The following GADL1 variants were observed in gnomAD, a reference collection of about 807,000 sequenced individuals.
GADL1 encodes GAD like acidic amino acid decarboxylase 1.
In GADL1, 71 loss-of-function variants were observed where a neutral mutation model predicts 69.5. The ratio of observed to expected loss-of-function variants is 1.02; its 90% CI spans 0.84 to 1.25. The LOEUF is 1.25. Ranked by LOEUF, GADL1 falls within the 50% of genes most tolerant of loss-of-function variation. The pLI is 0.00. For synonymous variants in GADL1, 254 were observed against 214.4 expected (o/e 1.18, Z -1.62); for missense variants, 737 against 631.8 (o/e 1.17, Z -1.79).
chr3:30,835,322 G>A (rs1258605187), intron 9 of GADL1, among the ~76,000 whole-genome samples: 1 of 152,052 alleles, frequency 6.6e-6, no homozygotes, highest in African/African-American at 2.4e-5. Context: ...GGTTGCTTAG[G>A]ATGTAGCAAC....
At chr3:30,758,748 C>G (rs1696043993) in intron 14 of GADL1, among the ~76,000 whole-genome samples, 1 of 152,164 alleles carries the variant, frequency 6.6e-6, no homozygotes, top group Non-Finnish European at 1.5e-5. Context: ...TTCCATAAAG[C>G]AAGTATTTAT....
intron 3 of GADL1, among the ~76,000 whole-genome samples, chr3:30,856,050 G>T (rs1698226818): frequency 6.6e-6 from 1 of 151,680 alleles, no homozygotes; most frequent in Non-Finnish European, 1.5e-5. Context: ...AAAATCTACT[G>T]CATTAAATGT....
At chr3:30,857,913 A>C (rs745791187) in intron 2 of GADL1, among the ~76,000 whole-genome samples, 20 of 151,968 alleles carry the variant, frequency 1.3e-4, no homozygotes, top group Non-Finnish European at 8.8e-5. Flanking sequence ...CCCTCTGCCT[A>C]GAATGTTTTT....
chr3:30,796,576 TTA>T (rs1276141572), intron 12 of GADL1, among the ~76,000 whole-genome samples: 1 of 152,132 alleles, frequency 6.6e-6, no homozygotes, highest in Non-Finnish European at 1.5e-5. Flanking sequence ...GAGGAGTACT[TTA>T]TCTTTTTGAT....
intron 14 of GADL1, among the ~76,000 whole-genome samples, chr3:30,760,249 C>T (rs755313674): frequency 2.6e-5 from 4 of 152,184 alleles, no homozygotes; most frequent in Non-Finnish European, 5.9e-5. Context: ...CCTTCGTTTC[C>T]ATAGCAATAC....
intron 14 of GADL1, among the ~76,000 whole-genome samples, chr3:30,764,638 ATT>A (rs928774861): frequency 3.3e-5 from 5 of 152,240 alleles, no homozygotes; most frequent in African/African-American, 1.2e-4. Flanking sequence ...CAATAAATAT[ATT>A]GTTTGAGTAG....
intron 14 of GADL1, among the ~76,000 whole-genome samples, chr3:30,747,448 A>G (rs1695724051): frequency 6.6e-6 from 1 of 152,182 alleles, no homozygotes; most frequent in Non-Finnish European, 1.5e-5. Context: ...AGAAAGGTGG[A>G]ATTGAGTAGA....
At chr3:30,847,597 T>A (rs1311318755) in intron 6 of GADL1, among the ~76,000 whole-genome samples, 1 of 152,208 alleles carries the variant, frequency 6.6e-6, no homozygotes, top group Non-Finnish European at 1.5e-5. Context: ...CCTGACTCTT[T>A]GAGTAGGGAA....
intron 14 of GADL1, among the ~76,000 whole-genome samples, chr3:30,768,128 ACTT>A (rs1326372862): frequency 1.3e-5 from 2 of 151,236 alleles, no homozygotes; most frequent in Non-Finnish European, 2.9e-5. Context: ...ATGTATACAG[ACTT>A]CTTAAAAATT....
chr3:30,773,895 C>G (rs966131742), intron 14 of GADL1, among the ~76,000 whole-genome samples: 2 of 152,074 alleles, frequency 1.3e-5, no homozygotes, highest in African/African-American at 4.8e-5. Context: ...ACAGGAATCT[C>G]CTGACGCTCA....
chr3:30,789,076 A>G (rs1377588060), intron 12 of GADL1, among the ~76,000 whole-genome samples: 1 of 152,196 alleles, frequency 6.6e-6, no homozygotes, highest in Non-Finnish European at 1.5e-5. Flanking sequence ...AAAATTTTCA[A>G]TTCACTTTGC....
chr3:30,726,837 A>C lies in GADL1; in HGVS notation c.*1405T>G, dbSNP rs1158314389. Reference sequence around the variant, plus strand: ...AAAACTCTCCTAGAAACCTAGGACCAGGGTCAGAGATAGAATTAAAATCAC... The same window carrying C: ...AAAACTCTCCTAGAAACCTAGGACCCGGGTCAGAGATAGAATTAAAATCAC... On this transcript the variant is annotated 3_prime_UTR_variant, in exon 15 of 15. Coordinates refer to ENST00000282538, the MANE Select transcript of GADL1 (RefSeq NM_207359.3). The C allele has an allele frequency of 2.0e-5, 3 of 152,516 alleles. No homozygotes were observed. Among genetic ancestry groups the C allele is most frequent in the Non-Finnish European group, 2.9e-5 (2 of 68,016 alleles). 9.4% of individuals were successfully genotyped at this position (152,516 alleles called of 1,614,324 possible).
intron 11 of GADL1, among the ~76,000 whole-genome samples, chr3:30,809,694 A>G (rs1326197508): frequency 1.3e-5 from 2 of 152,114 alleles, no homozygotes; most frequent in African/African-American, 4.8e-5. Context: ...AAGTTTGCTG[A>G]TACTTGTTTT....
At chr3:30,774,050 G>T (rs1471370308) in intron 14 of GADL1, among the ~76,000 whole-genome samples, 1 of 152,184 alleles carries the variant, frequency 6.6e-6, no homozygotes, top group African/African-American at 2.4e-5. Flanking sequence ...AAAGAGACAA[G>T]ATTCGATTGG....
At chr3:30,833,446 T>C (rs1241581492) in intron 11 of GADL1, among the ~76,000 whole-genome samples, 5 of 152,132 alleles carry the variant, frequency 3.3e-5, no homozygotes, top group African/African-American at 1.2e-4. Context: ...GCTAAGCGTA[T>C]TAAGTATTCA....
intron 6 of GADL1, among the ~76,000 whole-genome samples, chr3:30,846,902 G>T (rs1698067406): frequency 6.6e-6 from 1 of 152,154 alleles, no homozygotes; most frequent in Admixed American, 6.5e-5. Flanking sequence ...ATGACCCTGA[G>T]ACACACCCTA....
intron 12 of GADL1, among the ~76,000 whole-genome samples, chr3:30,788,854 C>T (rs761672172): frequency 2.0e-5 from 3 of 152,164 alleles, no homozygotes; most frequent in South Asian, 2.1e-4. Context: ...CATGAGACTG[C>T]AGCAATTCAG....
At chr3:30,764,447 CTG>C (rs1478411014) in intron 14 of GADL1, among the ~76,000 whole-genome samples, 1 of 152,140 alleles carries the variant, frequency 6.6e-6, no homozygotes, top group African/African-American at 2.4e-5. Flanking sequence ...CTGAATCAAA[CTG>C]AGCTTTTTTT....
In GADL1 at chr3:30,727,323, A is replaced by G. The variant is rs1695384110; in HGVS notation, c.*919T>C. 1 of 150,634 alleles carries G rather than the reference A, an allele frequency of 6.6e-6. No individual in the cohort carries two copies. Among genetic ancestry groups the G allele is most frequent in the African/African-American group, 2.4e-5 (1 of 41,180 alleles). 9.3% of individuals were successfully genotyped at this position (150,634 alleles called of 1,614,324 possible). A position where few individuals can be genotyped will look rare whatever the true frequency, so the allele number is the denominator to read the frequency against. ...ATGCATTTCTATTTTGAAGACCAAC[A>G]GTTTATTAATTTATTAATAGAACCT... On this transcript the variant is annotated 3_prime_UTR_variant, in exon 15 of 15. Transcript: ENST00000282538.
Sources: gnomAD v4.1 joint callset for allele counts (sites outside exome capture counted in the v4.1 genomes callset) on GRCh38, gnomAD v4.1.1 for gene constraint, MANE v1.5 for transcripts, NCBI Gene and HGNC (gene_info 2026-07-23, HGNC 2026-07-21) for gene names.